The following CD84 variants were observed in gnomAD, a reference collection of about 807,000 sequenced individuals.
The protein encoded by CD84 is SLAM family member 5.
Under a neutral mutation model 33.8 loss-of-function variants are expected in CD84, and 22 were observed. That is an observed-to-expected ratio of 0.65 (90% confidence interval 0.46 to 0.93). The LOEUF (loss-of-function observed/expected upper bound fraction) is 0.93. Among genes scored for constraint, CD84 ranks in the 40% least tolerant of loss-of-function variants. CD84 has a pLI of 0.00. For missense variants in CD84, 400 were observed against 397.6 expected (o/e 1.01, Z -0.05); for synonymous variants, 154 against 145.2 (o/e 1.06, Z -0.44).
chr1:160,565,658 T>C lies in CD84; in HGVS notation c.134A>G (p.Glu45Gly). 6.2e-7 allele frequency: 1 copy of C among 1,613,914 alleles called. No homozygotes were observed. The highest frequency in any genetic ancestry group is 8.5e-7 in the Non-Finnish European group (1 of 1,179,894). Residue 45 changes from glutamate to glycine, a missense_variant, in exon 2 of 7, where the codon GAA (glutamate) becomes GGA (glycine). By Grantham distance (98) the Glu-to-Gly change is moderately conservative. Transcript: ENST00000368054. ...ESVTFPVNIQ[E>G]PRQVKIIAWT... ...AGCAATGATTTTAACTTGCCGTGGT[T>C]CTTGGATATTTACAGGGAAAGTGAC...
chr1:160,555,411 C>G (rs1307217186), intron 2 of CD84, among the ~76,000 whole-genome samples: 2 of 151,930 alleles, frequency 1.3e-5, no homozygotes, highest in Middle Eastern at 3.2e-3. Flanking sequence ...TTTTTTCATT[C>G]TGTTTTCTGG....
chr1:160,566,095 A>T (rs1176488388), intron 1 of CD84, among the ~76,000 whole-genome samples: 1 of 152,196 alleles, frequency 6.6e-6, no homozygotes, highest in Non-Finnish European at 1.5e-5. Context: ...CTTTCCCAAG[A>T]TCATATTGCC....
chr1:160,553,175 T>C (rs1656352303), intron 4 of CD84: 3 of 816,078 alleles, frequency 3.7e-6, no homozygotes, highest in African/African-American at 3.4e-5. Flanking sequence ...CTACTGGTGA[T>C]CTCAGGAATG....
intron 1 of CD84, among the ~76,000 whole-genome samples, chr1:160,568,254 G>T (rs1657451288): frequency 6.6e-6 from 1 of 152,084 alleles, no homozygotes; most frequent in African/African-American, 2.4e-5. Flanking sequence ...CAGCCACAGT[G>T]GTTGGTGTGT....
At chr1:160,573,155 A>G (rs535700574) in intron 1 of CD84, among the ~76,000 whole-genome samples, 6 of 152,348 alleles carry the variant, frequency 3.9e-5, no homozygotes, top group Admixed American at 6.5e-5. Flanking sequence ...TGAAAAAACA[A>G]AAAACAAATA....
At chr1:160,554,573 A>G (rs868624325) in intron 2 of CD84, among the ~76,000 whole-genome samples, 62 of 152,338 alleles carry the variant, frequency 4.1e-4, no homozygotes, top group African/African-American at 1.5e-3. Flanking sequence ...AAAATTGTAT[A>G]ATATCTGTAG....
chr1:160,569,536 ACACACGCACGCACGCACG>A (rs1657554250), intron 1 of CD84, among the ~76,000 whole-genome samples: 9 of 93,904 alleles, frequency 9.6e-5, no homozygotes, highest in African/African-American at 2.8e-4. Flanking sequence ...ACACACACAC[ACACACGCACGCACGCACG>A]CACGCACACA....
rs1459025620 is a variant in CD84, at chr1:160,553,417, A to G, written c.721T>C (p.Ser241Pro). The change falls in exon 4 of 7, where the codon TCT becomes CCT. Residue 241 changes from serine to proline, a missense_variant. Coordinates refer to ENST00000368054, the MANE Select transcript of CD84 (RefSeq NM_003874.4). Reference protein sequence around the residue: ...AMFFLLVLILSSVFLFRLFKR... With the variant: ...AMFFLLVLILPSVFLFRLFKR... ...AACAAACGGAACAAAAACACTGAAG[A>G]CAGAATGAGAACAAGCAGAAAGAAC... The G allele has an allele frequency of 6.2e-7, 1 of 1,614,114 alleles. No homozygotes were observed. The highest frequency in any genetic ancestry group is 2.2e-5 in the East Asian group (1 of 44,870).
At chr1:160,559,904 T>C (rs1337922938) in intron 2 of CD84, among the ~76,000 whole-genome samples, 2 of 151,944 alleles carry the variant, frequency 1.3e-5, no homozygotes, top group Non-Finnish European at 2.9e-5. Flanking sequence ...ATGATGGTAA[T>C]GGGTAACTAC....
rs528110450 is a variant in CD84, at chr1:160,577,094, T to C, written c.46+2298A>G. Among the ~76,000 whole-genome samples the C allele has an allele frequency of 2.6e-5, 4 of 152,276 alleles. No homozygotes were observed. The East Asian group carries it at 7.7e-4, about 29-fold the overall frequency. ...TGTTTCCAAAGTCATGATCAGAAAG[T>C]TGGCATCAGAGCATAAGACTGTGAA... On this transcript the variant is annotated intron_variant, in intron 1 of 6. Coordinates refer to ENST00000368054, the MANE Select transcript of CD84 (RefSeq NM_003874.4).
At chr1:160,557,672 G>A (rs1202063603) in intron 2 of CD84, among the ~76,000 whole-genome samples, 1 of 152,192 alleles carries the variant, frequency 6.6e-6, no homozygotes, top group African/African-American at 2.4e-5. Context: ...CATTTCAAAA[G>A]TCAAAACAAG....
chr1:160,549,731 A>G, intron 6 of CD84, among the ~76,000 whole-genome samples, 186 bp downstream of exon 6: 1 of 152,170 alleles, frequency 6.6e-6, no homozygotes, highest in Non-Finnish European at 1.5e-5. Flanking sequence ...GTGGATGGCC[A>G]TTGACCTAGG....
In CD84 at chr1:160,547,333, G is replaced by A; in HGVS notation, c.*923C>T. 2.5e-6 allele frequency: 1 copy of A among 396,516 alleles called. No individual in the cohort carries two copies. The highest frequency in any genetic ancestry group is 4.4e-6 in the Non-Finnish European group (1 of 225,278). The allele number at this position is 396,516 out of a possible 1,614,324, so 24.6% of individuals were successfully genotyped here. A position where few individuals can be genotyped will look rare whatever the true frequency, so the allele number is the denominator to read the frequency against. ...CCCAGAAGTGTGAGAAATATAAGCT[G>A]GTCAGTTCCTTTTGGAGAGTGGGAA... is the stretch of plus-strand genomic sequence containing the variant. On this transcript the variant is annotated 3_prime_UTR_variant, in exon 7 of 7. Coordinates refer to ENST00000368054, the MANE Select transcript of CD84 (RefSeq NM_003874.4).
At chr1:160,553,233 CATT>C in intron 4 of CD84, 142 bp downstream of exon 4, 1 of 1,296,322 alleles carries the variant, frequency 7.7e-7, no homozygotes. Flanking sequence ...TCAGAGCCAT[CATT>C]CTGGGAGGTG....
chr1:160,548,408 AAATGGCACGGGGG>A, intron 6 of CD84, 87 bp from the exon 7 acceptor site: 1 of 1,362,930 alleles, frequency 7.3e-7, no homozygotes, highest in South Asian at 1.2e-5. Context: ...GGAGTTAAGC[AAATGGCACGGGGG>A]AATGCCTTAG....
intron 6 of CD84, among the ~76,000 whole-genome samples, chr1:160,548,888 C>G (rs1255909765): frequency 6.6e-6 from 1 of 152,160 alleles, no homozygotes; most frequent in Non-Finnish European, 1.5e-5. Flanking sequence ...ATTAATCCCT[C>G]GAATTTTATC....
Position 160,565,439 on chromosome 1 carries a change from T to C in CD84, c.353A>G (p.Tyr118Cys). ...CAGGTTGTAGCGCTTGGTGGTGGTGTAGGGATCAGCCTGTGTATTTATGTC... is the reference window on the plus strand; with the variant it reads ...CAGGTTGTAGCGCTTGGTGGTGGTGCAGGGATCAGCCTGTGTATTTATGTC... ...KADINTQADP[Y>C]TTTKRYNLQI... Residue 118 changes from tyrosine to cysteine, a missense_variant, in exon 2 of 7, where the codon TAC (tyrosine) becomes TGC (cysteine). Transcript: ENST00000368054. 1 of 1,612,728 alleles carries C rather than the reference T, an allele frequency of 6.2e-7. No homozygotes were observed. The highest frequency in any genetic ancestry group is 8.5e-7 in the Non-Finnish European group (1 of 1,179,300).
chr1:160,568,651 C>T (rs1571379467), intron 1 of CD84, among the ~76,000 whole-genome samples: 1 of 152,186 alleles, frequency 6.6e-6, no homozygotes, highest in Non-Finnish European at 1.5e-5. Flanking sequence ...GTCTCACTCT[C>T]TCACTGTCAC....
At position 160,545,338 on chromosome 1, in the gene CD84, TA is replaced by T. The variant is rs1655764284; in HGVS notation, c.*2917del. Reference sequence around the variant, plus strand: ...AAGAGGAAGAGGGCAAGTTAGAGAATAAAGATGTTTGGGAATGAGTCTTCAA... The same window carrying T: ...AAGAGGAAGAGGGCAAGTTAGAGAATAAGATGTTTGGGAATGAGTCTTCAA... On this transcript the variant is annotated 3_prime_UTR_variant, in exon 7 of 7. Coordinates refer to ENST00000368054, the MANE Select transcript of CD84 (RefSeq NM_003874.4). The T allele has an allele frequency of 6.6e-6, 1 of 152,242 alleles. No individual in the cohort carries two copies. Among genetic ancestry groups the T allele is most frequent in the African/African-American group, 2.4e-5 (1 of 41,452 alleles). 9.4% of individuals were successfully genotyped at this position (152,242 alleles called of 1,614,324 possible). A position where few individuals can be genotyped will look rare whatever the true frequency, so the allele number is the denominator to read the frequency against.
Sources: allele counts gnomAD v4.1 joint callset (sites outside exome capture counted in the v4.1 genomes callset), GRCh38; gene constraint gnomAD v4.1.1; transcripts MANE v1.5; gene names NCBI Gene and HGNC (gene_info 2026-07-23, HGNC 2026-07-21).